Variants in GFRA1 observed in about 807,000 individuals in gnomAD.
GFRA1 encodes GDNF family receptor alpha 1, also known as GDNF family receptor alpha-1.
GFRA1 carries 16 observed loss-of-function variants against 51.6 expected under a neutral mutation model. That is an observed-to-expected ratio of 0.31 (90% CI 0.21 to 0.47). GFRA1 has a LOEUF of 0.47. Among genes scored for constraint, GFRA1 ranks in the 20% least tolerant of loss-of-function variants. GFRA1 has a pLI of 1.00. For synonymous variants in GFRA1, 270 were observed against 241.3 expected (o/e 1.12, Z -1.10); for missense variants, 530 against 594.3 (o/e 0.89, Z 1.13).
chr10:116,126,444 G>A (rs1028874938), intron 5 of GFRA1, among the ~76,000 whole-genome samples: 3 of 152,244 alleles, frequency 2.0e-5, no homozygotes, highest in African/African-American at 4.8e-5. Flanking sequence ...GGGCCCACTC[G>A]GTGCCTGGGC....
At chr10:116,186,570 T>TAAA (rs386372545) in intron 5 of GFRA1, among the ~76,000 whole-genome samples, 1,331 of 129,132 alleles carry the variant, frequency 0.01, 11 homozygotes, top group East Asian at 0.047. Context: ...GAAAGGCTCT[T>TAAA]AAAAAAAAAA....
At chr10:116,194,152 T>C (rs1306431987) in intron 5 of GFRA1, among the ~76,000 whole-genome samples, 1 of 151,924 alleles carries the variant, frequency 6.6e-6, no homozygotes, top group East Asian at 1.9e-4. Flanking sequence ...CTTTGCAGTC[T>C]CTTGACCTGC....
intron 5 of GFRA1, among the ~76,000 whole-genome samples, chr10:116,152,563 G>A (rs1959104865): frequency 6.6e-6 from 1 of 152,112 alleles, no homozygotes; most frequent in African/African-American, 2.4e-5. Context: ...CCAATGCGAT[G>A]GTGTTAAACC....
At chr10:116,201,771 A>G (rs1158078892) in intron 5 of GFRA1, among the ~76,000 whole-genome samples, 1 of 152,142 alleles carries the variant, frequency 6.6e-6, no homozygotes, top group African/African-American at 2.4e-5. Context: ...AAACCTGGGC[A>G]AGTAAATACT....
chr10:116,232,939 AG>A (rs1966773047), intron 4 of GFRA1, among the ~76,000 whole-genome samples: 1 of 152,208 alleles, frequency 6.6e-6, no homozygotes, highest in Non-Finnish European at 1.5e-5. Flanking sequence ...AATTAAATAT[AG>A]ATTGCTAGTT....
At chr10:116,179,522 A>G (rs552225977) in intron 5 of GFRA1, among the ~76,000 whole-genome samples, 5 of 152,206 alleles carry the variant, frequency 3.3e-5, no homozygotes, top group African/African-American at 1.2e-4. Flanking sequence ...CAGGATTTAA[A>G]CCTGGGTGTT....
At chr10:116,187,254 T>C (rs1318549708) in intron 5 of GFRA1, among the ~76,000 whole-genome samples, 1 of 152,242 alleles carries the variant, frequency 6.6e-6, no homozygotes, top group African/African-American at 2.4e-5. Flanking sequence ...ATTTGTCTAT[T>C]ATTTTTTCAT....
intron 5 of GFRA1, among the ~76,000 whole-genome samples, chr10:116,199,754 G>A (rs1043419733): frequency 6.6e-6 from 1 of 152,104 alleles, no homozygotes; most frequent in Non-Finnish European, 1.5e-5. Context: ...ACAGTGAAAT[G>A]CACAAATCTT....
At chr10:116,236,742 C>A (rs545964092) in intron 4 of GFRA1, among the ~76,000 whole-genome samples, 1 of 152,310 alleles carries the variant, frequency 6.6e-6, no homozygotes, top group Admixed American at 6.5e-5. Flanking sequence ...GTCTTCCCCC[C>A]AAAAGCTGGG....
chr10:116,084,202 G>GGACGGCTGCCCTCTGCT, intron 9 of GFRA1, among the ~76,000 whole-genome samples: 1 of 152,338 alleles, frequency 6.6e-6, no homozygotes, highest in Non-Finnish European at 1.5e-5. Flanking sequence ...GTTGGGGGCA[G>GGACGGCTGCCCTCTGCT]GACGGCTGCC....
intron 4 of GFRA1, among the ~76,000 whole-genome samples, chr10:116,221,103 C>A (rs1033811401): frequency 6.6e-6 from 1 of 152,166 alleles, no homozygotes; most frequent in African/African-American, 2.4e-5. Flanking sequence ...GTTTTCTGTA[C>A]ATCAGGCACT....
chr10:116,134,773 C>T (rs1000479895), intron 5 of GFRA1, among the ~76,000 whole-genome samples: 2 of 152,174 alleles, frequency 1.3e-5, no homozygotes, highest in African/African-American at 4.8e-5. Flanking sequence ...AGACAGTTCC[C>T]CTTGTTAACC....
At chr10:116,253,145 C>T (rs1054655312) in intron 4 of GFRA1, among the ~76,000 whole-genome samples, 1 of 152,222 alleles carries the variant, frequency 6.6e-6, no homozygotes, top group Non-Finnish European at 1.5e-5. Context: ...AATCAGAGTT[C>T]ATCCACCAAT....
chr10:116,089,847 G>C lies in GFRA1; in HGVS notation c.1091C>G (p.Thr364Ser), dbSNP rs771582866. The C allele has an allele frequency of 2.5e-6, 4 of 1,614,090 alleles. No individual in the cohort carries two copies. The highest frequency in any genetic ancestry group is 3.4e-6 in the Non-Finnish European group (4 of 1,179,966). Residue 364 changes from threonine to serine, a missense_variant, in exon 9 of 11, where the codon ACT (threonine) becomes AGT (serine). Coordinates refer to ENST00000355422, the MANE Select transcript of GFRA1 (RefSeq NM_005264.8). ...CCGGAGGGCAGTGGTGGTAGTGGCA[G>C]TGGTGGTCTGTACTGGGAAGGCTGG... ...WQPAFPVQTT[T>S]ATTTTALRVK...
chr10:116,163,168 C>T (rs1960005382), intron 5 of GFRA1, among the ~76,000 whole-genome samples: 1 of 152,180 alleles, frequency 6.6e-6, no homozygotes, highest in African/African-American at 2.4e-5. Flanking sequence ...TAGTTATTCT[C>T]TGGCTCTAAG....
chr10:116,171,147 C>T (rs1033092216), intron 5 of GFRA1, among the ~76,000 whole-genome samples: 48 of 152,190 alleles, frequency 3.2e-4, no homozygotes, highest in Non-Finnish European at 8.8e-5. Flanking sequence ...TCCCAGGGGA[C>T]TGTTAGAATG....
chr10:116,161,761 G>A (rs898986784), intron 5 of GFRA1, among the ~76,000 whole-genome samples: 2 of 152,192 alleles, frequency 1.3e-5, no homozygotes, highest in Admixed American at 1.3e-4. Flanking sequence ...CAGCCATGTG[G>A]AACTGTGAGC....
intron 9 of GFRA1, among the ~76,000 whole-genome samples, chr10:116,072,607 A>G (rs899183760): frequency 6.6e-6 from 1 of 152,038 alleles, no homozygotes; most frequent in African/African-American, 2.4e-5. Flanking sequence ...TAAAAATACA[A>G]AAAATTAGCC....
At chr10:116,263,944 G>A (rs570600830) in intron 4 of GFRA1, among the ~76,000 whole-genome samples, 1 of 152,282 alleles carries the variant, frequency 6.6e-6, no homozygotes. Context: ...CCACTAGGAA[G>A]ACAATAATGC....
Sources: gnomAD v4.1 joint callset for allele counts (sites outside exome capture counted in the v4.1 genomes callset) on GRCh38, gnomAD v4.1.1 for gene constraint, MANE v1.5 for transcripts, NCBI Gene and HGNC (gene_info 2026-07-23, HGNC 2026-07-21) for gene names.